Variants in CASR observed in about 807,000 individuals in gnomAD.
CASR encodes calcium sensing receptor, also known as extracellular calcium-sensing receptor.
CASR carries 23 observed loss-of-function variants against 69.1 expected under a neutral mutation model. That is an observed-to-expected ratio of 0.33 (90% CI 0.24 to 0.47). The LOEUF is 0.47. Among genes scored for constraint, CASR ranks in the 20% least tolerant of loss-of-function variants. The pLI is 1.00. For synonymous variants in CASR, 541 were observed against 544.7 expected (o/e 0.99, Z 0.10); for missense variants, 924 against 1,356.1 (o/e 0.68, Z 5.00).
chr3:122,207,178 T>G (rs2074015575), intron 1 of CASR, among the ~76,000 whole-genome samples: 3 of 151,976 alleles, frequency 2.0e-5, no homozygotes, highest in Non-Finnish European at 4.4e-5. Flanking sequence ...AAGGGAGAGA[T>G]AGACTGCAAT....
chr3:122,278,480 A>G (rs1239086331), intron 5 of CASR, among the ~76,000 whole-genome samples: 1 of 152,240 alleles, frequency 6.6e-6, no homozygotes, highest in Non-Finnish European at 1.5e-5. Context: ...ACAAATAAGA[A>G]GTAAAAGAGA....
chr3:122,189,724 A>C (rs933522406), intron 1 of CASR, among the ~76,000 whole-genome samples: 3 of 152,208 alleles, frequency 2.0e-5, no homozygotes, highest in South Asian at 2.1e-4. Flanking sequence ...AGTTCCTATT[A>C]AGCATATTTT....
chr3:122,232,530 C>G (rs1220569414), intron 1 of CASR, among the ~76,000 whole-genome samples: 1 of 152,114 alleles, frequency 6.6e-6, no homozygotes, highest in Non-Finnish European at 1.5e-5. Flanking sequence ...ACTTGGCCCA[C>G]TGGAGGAACT....
chr3:122,279,071 A>G (rs1283104920), intron 5 of CASR, among the ~76,000 whole-genome samples: 1 of 152,198 alleles, frequency 6.6e-6, no homozygotes, highest in Non-Finnish European at 1.5e-5. Context: ...TCTTTAAGAA[A>G]GTGCTTGCAA....
intron 1 of CASR, among the ~76,000 whole-genome samples, chr3:122,242,995 C>T (rs1233565454): frequency 1.3e-5 from 2 of 152,146 alleles, no homozygotes; most frequent in African/African-American, 4.8e-5. Flanking sequence ...AACTAGACCT[C>T]TGTCTCTCAC....
At chr3:122,244,964 ATTG>A (rs1397404262) in intron 1 of CASR, among the ~76,000 whole-genome samples, 2 of 152,130 alleles carry the variant, frequency 1.3e-5, no homozygotes, top group Non-Finnish European at 2.9e-5. Flanking sequence ...TCATATAGCC[ATTG>A]TTTTAATAAC....
chr3:122,220,187 A>G (rs139415364), intron 1 of CASR, among the ~76,000 whole-genome samples: 21 of 152,338 alleles, frequency 1.4e-4, no homozygotes, highest in African/African-American at 5.1e-4. Flanking sequence ...AGAGACAACA[A>G]AGAAGGATGA....
chr3:122,278,126 T>C (rs549173664), intron 5 of CASR, among the ~76,000 whole-genome samples: 1 of 152,168 alleles, frequency 6.6e-6, no homozygotes, highest in East Asian at 1.9e-4. Flanking sequence ...AAAGTTGTTA[T>C]TGAGATCAAA....
chr3:122,196,772 G>A (rs2073894954), intron 1 of CASR, among the ~76,000 whole-genome samples: 1 of 152,014 alleles, frequency 6.6e-6, no homozygotes, highest in African/African-American at 2.4e-5. Flanking sequence ...TTTTTTAATA[G>A]GAAAATTGTC....
intron 1 of CASR, among the ~76,000 whole-genome samples, chr3:122,192,443 A>G (rs2073848728): frequency 1.3e-5 from 2 of 152,258 alleles, no homozygotes; most frequent in African/African-American, 2.4e-5. Context: ...ACAAAACATC[A>G]GTGAACTGAC....
Position 122,284,734 on chromosome 3 carries a change from C to T in CASR, c.2780C>T (p.Pro927Leu). The T allele has an allele frequency of 6.2e-7, 1 of 1,614,184 alleles. No homozygotes were observed. Among genetic ancestry groups the T allele is most frequent in the Non-Finnish European group, 8.5e-7 (1 of 1,180,008 alleles). Reference protein sequence around the residue: ...KSNSEDPFPQPERQKQQQPLA... With the variant: ...KSNSEDPFPQLERQKQQQPLA... Reference sequence around the variant, plus strand: ...AACAGCGAAGACCCATTCCCACAGCCCGAGAGGCAGAAGCAGCAGCAGCCG... The same window carrying T: ...AACAGCGAAGACCCATTCCCACAGCTCGAGAGGCAGAAGCAGCAGCAGCCG... The change falls in exon 7 of 7, where the codon CCC becomes CTC. Residue 927 changes from proline (P) to leucine (L), a missense_variant. Coordinates refer to ENST00000639785, the MANE Select transcript of CASR (RefSeq NM_000388.4).
intron 4 of CASR, among the ~76,000 whole-genome samples, chr3:122,265,345 G>T (rs940364676): frequency 6.6e-6 from 1 of 151,972 alleles, no homozygotes; most frequent in Non-Finnish European, 1.5e-5. Context: ...CTCAAAAGTA[G>T]CACTAGCAGG....
chr3:122,193,728 A>G (rs745937238), intron 1 of CASR, among the ~76,000 whole-genome samples: 14 of 152,220 alleles, frequency 9.2e-5, no homozygotes, highest in African/African-American at 1.9e-4. Context: ...ATTGTTATTA[A>G]TTCATAAAGA....
At chr3:122,252,341 AAAG>A (rs1227160252) in intron 1 of CASR, among the ~76,000 whole-genome samples, 24 of 44,224 alleles carry the variant, frequency 5.4e-4, no homozygotes, top group Middle Eastern at 7.7e-3. Flanking sequence ...AGAGAGAAAG[AAAG>A]AAGAAAGAAA....
chr3:122,193,239 GTC>G (rs2073856347), intron 1 of CASR, among the ~76,000 whole-genome samples: 1 of 133,142 alleles, frequency 7.5e-6, no homozygotes. Flanking sequence ...TGTTTTTTGA[GTC>G]TCACTCACTC....
chr3:122,224,952 C>T (rs1173415928), intron 1 of CASR, among the ~76,000 whole-genome samples: 2 of 151,966 alleles, frequency 1.3e-5, no homozygotes, highest in Non-Finnish European at 2.9e-5. Context: ...AAGGACTCCC[C>T]ATATGATCAT....
At chr3:122,186,855 C>T (rs1034494103) in intron 1 of CASR, among the ~76,000 whole-genome samples, 5 of 152,200 alleles carry the variant, frequency 3.3e-5, no homozygotes, top group Non-Finnish European at 5.9e-5. Context: ...ATTAAGAAGA[C>T]TAACTGCCAT....
At chr3:122,184,746 T>C (rs1389869628) in intron 1 of CASR, among the ~76,000 whole-genome samples, 2 of 152,210 alleles carry the variant, frequency 1.3e-5, no homozygotes, top group Non-Finnish European at 2.9e-5. Context: ...TCAGTGCCCC[T>C]AGAAGGGGCA....
chr3:122,224,604 A>G (rs925102587), intron 1 of CASR, among the ~76,000 whole-genome samples: 2 of 152,344 alleles, frequency 1.3e-5, no homozygotes, highest in Middle Eastern at 6.8e-3. Flanking sequence ...TATCATTAAA[A>G]TGTCCACACT....
Sources: allele counts gnomAD v4.1 joint callset (sites outside exome capture counted in the v4.1 genomes callset), GRCh38; gene constraint gnomAD v4.1.1; transcripts MANE v1.5; gene names NCBI Gene and HGNC (gene_info 2026-07-23, HGNC 2026-07-21).